Variants in TRIM63 observed in about 807,000 individuals in gnomAD.
TRIM63 encodes tripartite motif containing 63.
Under a neutral mutation model 46.0 loss-of-function variants are expected in TRIM63, and 48 were observed. The observed-to-expected ratio is 1.04, with a 90% CI of 0.83 to 1.33. The LOEUF (loss-of-function observed/expected upper bound fraction) is 1.33. Ranked by LOEUF, TRIM63 falls within the 40% of genes most tolerant of loss-of-function variation. TRIM63 has a pLI of 0.00. For synonymous variants in TRIM63, 175 were observed against 162.8 expected, an observed-to-expected ratio of 1.08 and a Z score of -0.57; for missense variants, 455 against 441.2, an observed-to-expected ratio of 1.03 and a Z score of -0.28.
chr1:26,051,999 A>G, intron 8 of TRIM63, 116 bp from the exon 9 acceptor site: 1 of 854,466 alleles, frequency 1.2e-6, no homozygotes, highest in Non-Finnish European at 1.6e-6. Context: ...TCAAACTCCA[A>G]TTCCTCCCGG....
In TRIM63 at chr1:26,064,009, C is replaced by A. The variant is rs561192982; in HGVS notation, c.332+2259G>T. ...TAGCTCAGCAATTAAGAATATTCACCGGCCGGCCAGGCGCGGTGGCCCACG... is the reference window on the plus strand; with the variant it reads ...TAGCTCAGCAATTAAGAATATTCACAGGCCGGCCAGGCGCGGTGGCCCACG... On this transcript the variant is annotated intron_variant, in intron 2 of 8. Transcript: ENST00000374272. Among the ~76,000 whole-genome samples, 20 of 152,302 alleles carry A rather than the reference C, an allele frequency of 1.3e-4. No homozygotes were observed. The South Asian group carries it at 4.1e-3, about 32-fold the overall frequency.
chr1:26,064,187 T>A (rs1158281631), intron 2 of TRIM63, among the ~76,000 whole-genome samples: 2 of 152,144 alleles, frequency 1.3e-5, no homozygotes, highest in Admixed American at 1.3e-4. Flanking sequence ...TCCCAGCACT[T>A]TGGGAGGCTG....
intron 3 of TRIM63, among the ~76,000 whole-genome samples, chr1:26,060,741 C>T (rs139836987): frequency 2.0e-5 from 3 of 152,168 alleles, no homozygotes; most frequent in Non-Finnish European, 4.4e-5. Context: ...GGGGTGGCTA[C>T]GGCTTACTGC....
At position 26,061,329 on chromosome 1, in the gene TRIM63, G is replaced by T; in HGVS notation, c.338C>A (p.Pro113Gln). 1 of 1,613,934 alleles carries T rather than the reference G, an allele frequency of 6.2e-7. No homozygotes were observed. Among genetic ancestry groups the T allele is most frequent in the South Asian group, 1.1e-5 (1 of 91,072 alleles). Residue 113 changes from proline to glutamine, a missense_variant, in exon 3 of 9, where the codon CCG becomes CAG. Physicochemically the swap from Pro to Gln is moderately conservative, Grantham distance 76 (BLOSUM62 -1). Coordinates refer to ENST00000374272, the MANE Select transcript of TRIM63 (RefSeq NM_032588.4). ...CATGGGGTGACTGCCCTTCTGCAGCGGCCGACTGCAGTGGAGAACAGTCAC... is the reference window on the plus strand; with the variant it reads ...CATGGGGTGACTGCCCTTCTGCAGCTGCCGACTGCAGTGGAGAACAGTCAC... ...DIYKQECSSR[P>Q]LQKGSHPMCK...
rs978098094 is a variant in TRIM63 at position 26,051,707 on chromosome 1, T to G, written c.*166A>C. ...TGTCTGCTGGACGCAGCGGTGAGGGTCCTACCCTAGTCCCTGCTCTCTGAG... is the reference window on the plus strand; with the variant it reads ...TGTCTGCTGGACGCAGCGGTGAGGGGCCTACCCTAGTCCCTGCTCTCTGAG... On this transcript the variant is annotated 3_prime_UTR_variant, in exon 9 of 9. Coordinates refer to ENST00000374272, the MANE Select transcript of TRIM63 (RefSeq NM_032588.4). 4.4e-6 allele frequency: 2 copies of G among 450,116 alleles called. No individual in the cohort carries two copies. The highest frequency in any genetic ancestry group is 2.0e-5 in the African/African-American group (1 of 49,182). The allele number at this position is 450,116 out of a possible 1,614,324, so 27.9% of individuals were successfully genotyped here.
chr1:26,062,436 G>T (rs1303549792), intron 2 of TRIM63, among the ~76,000 whole-genome samples: 4 of 151,992 alleles, frequency 2.6e-5, no homozygotes, highest in African/African-American at 9.7e-5. Context: ...CTTTCTCTTA[G>T]CTTCACCACT....
chr1:26,053,927 C>A lies in TRIM63; in HGVS notation c.1017G>T (p.Gln339His), dbSNP rs769110592. ...TCCCTTCTGTGGACTCTTCCTCTTCCTGATCTTCTTCTTCAATGAATTCTT... is the reference window on the plus strand; with the variant it reads ...TCCCTTCTGTGGACTCTTCCTCTTCATGATCTTCTTCTTCAATGAATTCTT... ...EEEEFIEEED[Q>H]EEEESTEGKE... is the part of the protein sequence containing the mutation. The change falls in exon 8 of 9, where the codon CAG becomes CAT. Residue 339 changes from glutamine to histidine, a missense_variant. Physicochemically the swap from Gln to His is conservative, Grantham distance 24. Transcript: ENST00000374272. 1.9e-6 allele frequency: 3 copies of A among 1,592,708 alleles called. No individual in the cohort carries two copies. The highest frequency in any genetic ancestry group is 1.7e-6 in the Non-Finnish European group (2 of 1,174,244).
In TRIM63 at chr1:26,066,251, C is replaced by G. The variant is rs1159093076; in HGVS notation, c.332+17G>C. 23 of 1,613,432 alleles carry G rather than the reference C, an allele frequency of 1.4e-5. No individual in the cohort carries two copies. Among genetic ancestry groups the G allele is most frequent in the Non-Finnish European group, 1.7e-5 (20 of 1,179,848 alleles). ...GCTGGGAAGGAGGGCGGGCCCCCAG[C>G]AGGCACGAGAACCGACCTGGAGCAC... On this transcript the variant is annotated intron_variant, in intron 2 of 8. Transcript: ENST00000374272.
chr1:26,058,788 T>A (rs1189011145), intron 4 of TRIM63, among the ~76,000 whole-genome samples, 165 bp from the exon 5 acceptor site: 1 of 152,108 alleles, frequency 6.6e-6, no homozygotes, highest in Non-Finnish European at 1.5e-5. Context: ...AAGAAAACAC[T>A]CATCTGGCCT....
intron 2 of TRIM63, among the ~76,000 whole-genome samples, 190 bp downstream of exon 2, chr1:26,066,078 A>G (rs956277193): frequency 1.3e-5 from 2 of 152,156 alleles, no homozygotes; most frequent in African/African-American, 4.8e-5. Context: ...GCCCCTTCCC[A>G]TCCGCTGAGC....
At position 26,057,209 on chromosome 1, in the gene TRIM63, C is replaced by G. The variant is rs199707976; in HGVS notation, c.973G>C (p.Gly325Arg). ...IADALRAIDF[G>R]TDEEEEEFIE... ...GCATCACCACCTCCTTTACCTGTCC[C>G]AAAGTCAATGGCTCTCAGGGCGTCT... is the stretch of plus-strand genomic sequence containing the variant. Residue 325 changes from glycine (G) to arginine (R), a missense_variant, in exon 7 of 9, where the codon GGG (glycine) becomes CGG (arginine). Transcript: ENST00000374272. 1.2e-6 allele frequency: 2 copies of G among 1,614,128 alleles called. No homozygotes were observed. The highest frequency in any genetic ancestry group is 1.7e-6 in the Non-Finnish European group (2 of 1,179,988).
chr1:26,064,795 G>GC (rs1470039573), intron 2 of TRIM63, among the ~76,000 whole-genome samples: 3 of 152,172 alleles, frequency 2.0e-5, no homozygotes, highest in Admixed American at 1.3e-4. Flanking sequence ...AGTCACAGAG[G>GC]CTGACTAGCA....
intron 7 of TRIM63, 45 bp from the exon 8 acceptor site, chr1:26,054,009 A>G: frequency 7.0e-7 from 1 of 1,422,258 alleles, no homozygotes. Flanking sequence ...CGGTTCCTTG[A>G]GGAGCTACTT....
chr1:26,060,416 AC>A, intron 3 of TRIM63, 55 bp from the exon 4 acceptor site: 2 of 1,403,204 alleles, frequency 1.4e-6, no homozygotes, highest in Non-Finnish European at 2.0e-6. Context: ...CTCAGGGCCT[AC>A]CCACTGGGGC....
chr1:26,061,090 A>G lies in TRIM63; in HGVS notation c.501+76T>C. On this transcript the variant is annotated intron_variant, in intron 3 of 8. Coordinates refer to ENST00000374272, the MANE Select transcript of TRIM63 (RefSeq NM_032588.4). ...AGGCCAGATCAGCAGATCTACAGGGATCAAATCTGCCTCCTGAATCATCAG... is the reference window on the plus strand; with the variant it reads ...AGGCCAGATCAGCAGATCTACAGGGGTCAAATCTGCCTCCTGAATCATCAG... The G allele has an allele frequency of 4.0e-6, 6 of 1,501,044 alleles. No individual in the cohort carries two copies. The South Asian group carries it at 6.2e-5, about 15-fold the overall frequency. 93.0% of individuals were successfully genotyped at this position (1,501,044 alleles called of 1,614,324 possible).
chr1:26,053,484 A>G (rs561678056), intron 8 of TRIM63, among the ~76,000 whole-genome samples: 10 of 152,294 alleles, frequency 6.6e-5, no homozygotes, highest in Admixed American at 5.2e-4. Flanking sequence ...GGCCTCCCCA[A>G]GTGCTGGGAT....
In TRIM63 at chr1:26,067,372, G is replaced by A; in HGVS notation, c.123C>T (p.His41=). The A allele has an allele frequency of 6.2e-7, 1 of 1,614,194 alleles. No homozygotes were observed. The highest frequency in any genetic ancestry group is 2.2e-5 in the East Asian group (1 of 44,882). ...TKPVVILPCQ[H]NLCRKCANDI... ...CATTGGCACACTTCCGGCACAGGTT[G>A]TGCTGGCACGGCAAGATGACCACTG... Residue 41 remains histidine, a synonymous_variant, in exon 1 of 9, where the codon CAC becomes CAT. Transcript: ENST00000374272.
At chr1:26,052,124 C>T (rs1206422697) in intron 8 of TRIM63, among the ~76,000 whole-genome samples, 1 of 152,240 alleles carries the variant, frequency 6.6e-6, no homozygotes, top group Non-Finnish European at 1.5e-5. Flanking sequence ...AATTTAGTTT[C>T]AGTACCTGTG....
chr1:26,059,022 C>CT (rs1480344101), intron 4 of TRIM63, among the ~76,000 whole-genome samples: 4 of 105,468 alleles, frequency 3.8e-5, no homozygotes, highest in African/African-American at 1.1e-4. Flanking sequence ...TCTCTGTTGC[C>CT]CTTTTTTTTT....
Sources: allele counts gnomAD v4.1 joint callset (sites outside exome capture counted in the v4.1 genomes callset), GRCh38; gene constraint gnomAD v4.1.1; transcripts MANE v1.5; gene names NCBI Gene and HGNC (gene_info 2026-07-23, HGNC 2026-07-21).